Variants in PCDH15 observed in about 807,000 individuals in gnomAD.
PCDH15 encodes the protein protocadherin-15.
Under a neutral mutation model 178.5 loss-of-function variants are expected in PCDH15, and 129 were observed. The ratio of observed to expected loss-of-function variants is 0.72; its 90% confidence interval spans 0.63 to 0.84. The LOEUF (loss-of-function observed/expected upper bound fraction) is 0.84, where lower values mean the gene tolerates loss of function less well. Ranked by LOEUF, PCDH15 falls within the 40% of genes least tolerant of loss-of-function variation. The pLI is 0.00. For missense variants in PCDH15, 2,230 were observed against 2,099.9 expected, an observed-to-expected ratio of 1.06 and a Z score of -1.21; for synonymous variants, 800 against 732.0, an observed-to-expected ratio of 1.09 and a Z score of -1.50.
intron 3 of PCDH15, among the ~76,000 whole-genome samples, chr10:54,410,075 C>A (rs1589259507): frequency 6.6e-6 from 1 of 152,158 alleles, no homozygotes; most frequent in Non-Finnish European, 1.5e-5. Context: ...AACCTCACAA[C>A]TGTAATTCTT....
In PCDH15 at chr10:53,827,459, G is replaced by C; in HGVS notation, c.4301C>G (p.Ala1434Gly). ...CGGAGGCGGCGGCGGCGGCGGGGGC[G>C]CTGCCACTGGTGCAGGAGCCGGCAC... is the stretch of plus-strand genomic sequence containing the variant. ...PAVPAPAPVA[A>G]PPPPPPPPPG... is the part of the protein sequence containing the mutation. Residue 1434 changes from alanine (A) to glycine (G), a missense_variant, in exon 32 of 38, where the codon GCG becomes GGG. Ala to Gly is a moderately conservative substitution (Grantham distance 60, BLOSUM62 0). Coordinates refer to ENST00000644397, the MANE Select transcript of PCDH15 (RefSeq NM_001384140.1). The C allele has an allele frequency of 3.1e-6, 5 of 1,613,634 alleles. No homozygotes were observed. Among genetic ancestry groups the C allele is most frequent in the Non-Finnish European group, 4.2e-6 (5 of 1,179,696 alleles).
intron 34 of PCDH15, among the ~76,000 whole-genome samples, chr10:53,817,441 T>C (rs1158595046): frequency 6.6e-6 from 1 of 152,044 alleles, no homozygotes; most frequent in Non-Finnish European, 1.5e-5. Flanking sequence ...AGTGATAGGA[T>C]GGCGCCTTGA....
At chr10:55,221,894 T>G (rs1840886074) in intron 1 of PCDH15, among the ~76,000 whole-genome samples, 1 of 150,856 alleles carries the variant, frequency 6.6e-6, no homozygotes. Context: ...TGAAATGGAG[T>G]CTCACTCTGT....
intron 18 of PCDH15, among the ~76,000 whole-genome samples, chr10:54,053,425 C>CT (rs1337464088): frequency 3.3e-5 from 5 of 152,160 alleles, no homozygotes; most frequent in Non-Finnish European, 7.3e-5. Flanking sequence ...ACATCAATCT[C>CT]TACTTTCAAG....
At chr10:55,432,114 C>CACACACACACACACACACACA (rs71014487) in intron 2 of PCDH15, among the ~76,000 whole-genome samples, 1 of 146,990 alleles carries the variant, frequency 6.8e-6, no homozygotes, top group Non-Finnish European at 1.5e-5. Context: ...CACACACACA[C>CACACACACACACACACACACA]CACAAGTCTC....
In PCDH15 at chr10:54,886,684, C is replaced by T. The variant is rs543704840; in HGVS notation, c.-29+10766G>A. 9.8e-5 allele frequency among the ~76,000 whole-genome samples: 15 copies of T among 152,334 alleles called. No homozygotes were observed. In the South Asian group the frequency reaches 3.1e-3, roughly 32 times the overall value. Reference sequence around the variant, plus strand: ...GGCCTTGGCAGGAGAATCGCTTGAACCCCGAAGGAGGAGGTTGCAGTGAGT... The same window carrying T: ...GGCCTTGGCAGGAGAATCGCTTGAATCCCGAAGGAGGAGGTTGCAGTGAGT... On this transcript the variant is annotated intron_variant, in intron 3 of 5. Coordinates refer to the PCDH15 transcript ENST00000458638.
intron 25 of PCDH15, among the ~76,000 whole-genome samples, chr10:53,911,032 G>A (rs1377556532): frequency 6.6e-6 from 1 of 152,168 alleles, no homozygotes; most frequent in East Asian, 1.9e-4. Flanking sequence ...CCAAATCTAT[G>A]TTTGATTGGT....
At chr10:54,534,330 C>T (rs993022242) in intron 2 of PCDH15, among the ~76,000 whole-genome samples, 2 of 152,104 alleles carry the variant, frequency 1.3e-5, no homozygotes, top group Non-Finnish European at 2.9e-5. Context: ...TGAAATGTCA[C>T]TGGTGGTCTG....
At chr10:54,013,370 A>G (rs984780904) in intron 20 of PCDH15, among the ~76,000 whole-genome samples, 5 of 152,168 alleles carry the variant, frequency 3.3e-5, no homozygotes, top group African/African-American at 1.2e-4. Flanking sequence ...AGTGAAAAAG[A>G]TATTTAGGAC....
At chr10:54,448,399 A>G (rs2076270148) in intron 3 of PCDH15, among the ~76,000 whole-genome samples, 1 of 151,682 alleles carries the variant, frequency 6.6e-6, no homozygotes, top group Non-Finnish European at 1.5e-5. Flanking sequence ...TATTTTCCCA[A>G]GTAAGCTGAG....
At chr10:54,519,055 C>T (rs1241338217) in intron 3 of PCDH15, among the ~76,000 whole-genome samples, 1 of 152,118 alleles carries the variant, frequency 6.6e-6, no homozygotes, top group Non-Finnish European at 1.5e-5. Context: ...ATTGATGGGA[C>T]TTATCTCAAA....
chr10:53,869,789 A>T (rs1195187742), intron 26 of PCDH15, among the ~76,000 whole-genome samples: 5 of 152,110 alleles, frequency 3.3e-5, no homozygotes, highest in African/African-American at 1.2e-4. Flanking sequence ...GAAAAAAAAA[A>T]ATTACCCATA....
chr10:54,753,892 GTGTTTTTTT>G (rs374568123), intron 1 of PCDH15, among the ~76,000 whole-genome samples: 73,797 of 118,164 alleles, frequency 0.62, 19,179 homozygotes, highest in Middle Eastern at 0.75. Flanking sequence ...TTGTTTGTTT[GTGTTTTTTT>G]TTTTTTTTTT....
intron 2 of PCDH15, among the ~76,000 whole-genome samples, chr10:55,107,854 C>T (rs1013255685): frequency 1.4e-4 from 21 of 151,956 alleles, no homozygotes; most frequent in Non-Finnish European, 2.1e-4. Flanking sequence ...TGTTTACACT[C>T]TTGCTATTCA....
chr10:55,007,408 G>C (rs1377827145), intron 2 of PCDH15, among the ~76,000 whole-genome samples: 2 of 152,136 alleles, frequency 1.3e-5, no homozygotes, highest in African/African-American at 4.8e-5. Context: ...CTCTTAAATA[G>C]CATATTTATA....
Position 55,271,186 on chromosome 10 carries a change from A to G in PCDH15, c.-156+48413T>C, listed in dbSNP as rs574455800. Among the ~76,000 whole-genome samples, 17 of 152,148 alleles carry G rather than the reference A, an allele frequency of 1.1e-4. 2 individuals carry two copies. In the South Asian group the frequency reaches 2.5e-3, roughly 22 times the overall value. Reference sequence around the variant, plus strand: ...GGTGAAAAACTTCCTGTTGGTTACTATGTTTCATACCTGGATGCAATATAT... The same window carrying G: ...GGTGAAAAACTTCCTGTTGGTTACTGTGTTTCATACCTGGATGCAATATAT... On this transcript the variant is annotated intron_variant, in intron 1 of 5. Transcript: ENST00000458638.
intron 2 of PCDH15, among the ~76,000 whole-genome samples, chr10:54,533,441 T>C (rs1184975685): frequency 2.0e-5 from 3 of 152,092 alleles, no homozygotes; most frequent in Non-Finnish European, 4.4e-5. Flanking sequence ...GAACAAGTTA[T>C]GAAAGATTAG....
At chr10:55,397,345 G>A (rs934897556) in intron 2 of PCDH15, among the ~76,000 whole-genome samples, 2 of 151,958 alleles carry the variant, frequency 1.3e-5, no homozygotes, top group African/African-American at 4.8e-5. Context: ...AAGAGTTTCC[G>A]CTCTTAACAC....
chr10:54,210,152 G>A (rs193224917), intron 10 of PCDH15, among the ~76,000 whole-genome samples: 3 of 152,030 alleles, frequency 2.0e-5, no homozygotes, highest in African/African-American at 7.2e-5. Flanking sequence ...TAACAAAGGT[G>A]TGACATTTTT....
Sources: allele counts gnomAD v4.1 joint callset (sites outside exome capture counted in the v4.1 genomes callset), GRCh38; gene constraint gnomAD v4.1.1; transcripts MANE v1.5; gene names NCBI Gene and HGNC (gene_info 2026-07-23, HGNC 2026-07-21).